Variants in SMYD3 observed in about 807,000 individuals in gnomAD.
SMYD3 encodes the protein SET and MYND domain containing 3.
Under a neutral mutation model 57.7 loss-of-function variants are expected in SMYD3, and 36 were observed. That is an observed-to-expected ratio of 0.62 (90% confidence interval 0.48 to 0.82). The LOEUF is 0.82. SMYD3 is among the 40% of genes least tolerant of loss of function. SMYD3 has a pLI of 0.00. For synonymous variants in SMYD3, 211 were observed against 195.0 expected, an observed-to-expected ratio of 1.08 and a Z score of -0.68; for missense variants, 515 against 538.8, an observed-to-expected ratio of 0.96 and a Z score of 0.44.
intron 10 of SMYD3, among the ~76,000 whole-genome samples, chr1:245,823,949 C>T (rs1256835505): frequency 6.6e-5 from 10 of 152,190 alleles, no homozygotes; most frequent in Non-Finnish European, 5.9e-5. Context: ...AGGCACCGCA[C>T]GCAGGGCAGG....
rs186349089 is a variant in SMYD3 at position 245,758,605 on chromosome 1, C to G, written c.1185+5436G>C. On this transcript the variant is annotated intron_variant, in intron 11 of 11. Transcript: ENST00000490107. ...CTGTTTCCTCCATTCTGTTGTGGAG[C>G]TCCCTTCTGTTTATTTTGATTATTA... is the stretch of plus-strand genomic sequence containing the variant. Among the ~76,000 whole-genome samples the G allele has an allele frequency of 2.2e-4, 34 of 152,188 alleles. No homozygotes were observed. The East Asian group carries it at 6.4e-3, about 28-fold the overall frequency.
intron 11 of SMYD3, among the ~76,000 whole-genome samples, chr1:245,756,838 A>G (rs1365829053): frequency 1.4e-5 from 2 of 148,066 alleles, no homozygotes; most frequent in Non-Finnish European, 3.0e-5. Flanking sequence ...AAGTTTGAGT[A>G]TGATCCACAG....
intron 5 of SMYD3, among the ~76,000 whole-genome samples, chr1:246,040,540 C>T (rs2059851299): frequency 1.3e-5 from 2 of 152,170 alleles, no homozygotes; most frequent in Admixed American, 1.3e-4. Context: ...ATGCAGCCAG[C>T]CACCAAACAG....
chr1:245,752,296 C>A (rs1379202296), intron 11 of SMYD3, among the ~76,000 whole-genome samples: 1 of 152,218 alleles, frequency 6.6e-6, no homozygotes, highest in Non-Finnish European at 1.5e-5. Flanking sequence ...CAGACCTAAC[C>A]TGCTCGGCCT....
rs78303402 is a variant in SMYD3, at chr1:246,496,442, T to C, written c.164+10612A>G. ...ATCAATCTATCTTATCCCCTTGTGG[T>C]TGCTCTTATTTATTTTTGCTGCAAA... On this transcript the variant is annotated intron_variant, in intron 1 of 11. Transcript: ENST00000490107. Among the ~76,000 whole-genome samples, 1,356 of 152,280 alleles carry C rather than the reference T, an allele frequency of 8.9e-3. 70 individuals are homozygous for C. In the South Asian group the frequency reaches 0.14, roughly 16 times the overall value.
rs572978970 is a variant in SMYD3, at chr1:245,848,969, G to C, written c.1076+9527C>G. On this transcript the variant is annotated intron_variant, in intron 10 of 11. Coordinates refer to ENST00000490107, the MANE Select transcript of SMYD3 (RefSeq NM_001167740.2). ...GAAAAACAAATGGATTCTGAAGACAGATCCTGGAATTAGTATCTAAAACAT... is the reference window on the plus strand; with the variant it reads ...GAAAAACAAATGGATTCTGAAGACACATCCTGGAATTAGTATCTAAAACAT... 3.6e-4 allele frequency among the ~76,000 whole-genome samples: 45 copies of C among 124,240 alleles called. No individual in the cohort carries two copies. In the East Asian group the frequency reaches 0.025, roughly 68 times the overall value. The allele number at this position is 124,240 out of a possible 152,430, so 81.5% of individuals were successfully genotyped here. A position where few individuals can be genotyped will look rare whatever the true frequency, so the allele number is the denominator to read the frequency against.
At chr1:246,461,413 T>TA (rs888320015) in intron 1 of SMYD3, among the ~76,000 whole-genome samples, 6 of 152,210 alleles carry the variant, frequency 3.9e-5, no homozygotes, top group Non-Finnish European at 8.8e-5. Context: ...GTTATTATGT[T>TA]AAAATCCATA....
At chr1:246,499,405 C>T (rs904686240) in intron 1 of SMYD3, among the ~76,000 whole-genome samples, 5 of 50,802 alleles carry the variant, frequency 9.8e-5, no homozygotes, top group Admixed American at 5.7e-4. Flanking sequence ...CAAATATACA[C>T]ACACACACAC....
At chr1:246,018,695 TC>T (rs145732766) in intron 5 of SMYD3, among the ~76,000 whole-genome samples, 14,012 of 151,986 alleles carry the variant, frequency 0.092, 913 homozygotes, top group African/African-American at 0.18. Context: ...AGCTTCAAAT[TC>T]CGGGGCTCAT....
intron 8 of SMYD3, among the ~76,000 whole-genome samples, chr1:245,902,069 G>A (rs1277569317): frequency 6.6e-6 from 1 of 152,084 alleles, no homozygotes; most frequent in African/African-American, 2.4e-5. Flanking sequence ...ATCCTGCCCT[G>A]GACCCCAGAA....
chr1:245,900,653 A>C (rs2054125778), intron 8 of SMYD3, among the ~76,000 whole-genome samples: 1 of 152,208 alleles, frequency 6.6e-6, no homozygotes, highest in African/African-American at 2.4e-5. Context: ...TTTATAGCCA[A>C]ATCCTTTCCT....
rs141012753 is a variant in SMYD3, at chr1:245,754,938, G to A, written c.1186-5274C>T. ...GGAAGGAGGAACCAGGTGGCCCCAC[G>A]GCACCCTCAGGAGGGGTTACAGATG... is the stretch of plus-strand genomic sequence containing the variant. On this transcript the variant is annotated intron_variant, in intron 11 of 11. Coordinates refer to ENST00000490107, the MANE Select transcript of SMYD3 (RefSeq NM_001167740.2). Among the ~76,000 whole-genome samples the A allele has an allele frequency of 1.6e-3, 238 of 152,324 alleles. 1 individual carries two copies. Among genetic ancestry groups the A allele is most frequent in the African/African-American group, 4.7e-3 (194 of 41,568 alleles).
At chr1:246,359,662 C>T (rs939193155) in intron 1 of SMYD3, among the ~76,000 whole-genome samples, 3 of 151,948 alleles carry the variant, frequency 2.0e-5, no homozygotes, top group Non-Finnish European at 2.9e-5. Flanking sequence ...GCTTAACATC[C>T]ATAACTCAAA....
At chr1:245,940,797 G>A (rs1379852827) in intron 5 of SMYD3, among the ~76,000 whole-genome samples, 1 of 152,210 alleles carries the variant, frequency 6.6e-6, no homozygotes, top group Non-Finnish European at 1.5e-5. Context: ...CAAGGGCACA[G>A]AACTAGGCAG....
At chr1:246,413,351 C>T (rs918312345) in intron 1 of SMYD3, among the ~76,000 whole-genome samples, 6 of 152,074 alleles carry the variant, frequency 3.9e-5, no homozygotes, top group African/African-American at 1.4e-4. Flanking sequence ...GCGGCACTCT[C>T]GGATAGAATT....
At chr1:245,983,172 G>C (rs1019975313) in intron 5 of SMYD3, among the ~76,000 whole-genome samples, 4 of 152,250 alleles carry the variant, frequency 2.6e-5, no homozygotes, top group African/African-American at 9.6e-5. Flanking sequence ...TTATTTTGTG[G>C]CAGCTTTCGG....
chr1:246,340,996 A>G (rs76927168), intron 2 of SMYD3, among the ~76,000 whole-genome samples: 6 of 141,828 alleles, frequency 4.2e-5, no homozygotes, highest in East Asian at 3.9e-4. Context: ...TCTCAGGGGG[A>G]AAAAAAAAAG....
At chr1:246,102,401 C>G (rs772641606) in intron 5 of SMYD3, among the ~76,000 whole-genome samples, 81 of 152,116 alleles carry the variant, frequency 5.3e-4, no homozygotes, top group South Asian at 4.1e-4. Context: ...CCAGCACAAT[C>G]CCACTGAAAC....
intron 5 of SMYD3, among the ~76,000 whole-genome samples, chr1:246,028,503 T>C (rs2059614881): frequency 6.6e-6 from 1 of 152,068 alleles, no homozygotes; most frequent in South Asian, 2.1e-4. Context: ...ATAAATAAAG[T>C]ATCTAACAAT....
Sources: gnomAD v4.1 joint callset for allele counts (sites outside exome capture counted in the v4.1 genomes callset) on GRCh38, gnomAD v4.1.1 for gene constraint, MANE v1.5 for transcripts, NCBI Gene and HGNC (gene_info 2026-07-23, HGNC 2026-07-21) for gene names.